STK32C: variants seen among roughly 807,000 people sequenced by gnomAD.
STK32C encodes serine/threonine kinase 32C, also known as serine/threonine-protein kinase 32C.
STK32C carries 31 observed loss-of-function variants against 56.5 expected under a neutral mutation model. The ratio of observed to expected loss-of-function variants is 0.55; its 90% confidence interval spans 0.41 to 0.74. The LOEUF is 0.74. Ranked by LOEUF, STK32C falls within the 30% of genes least tolerant of loss-of-function variation. The pLI, the probability that STK32C is intolerant of heterozygous loss-of-function variation, is 0.00. For missense variants in STK32C, 544 were observed against 676.9 expected (o/e 0.80, Z 2.18); for synonymous variants, 309 against 289.4 (o/e 1.07, Z -0.69).
chr10:132,250,135 C>T (rs898867178), intron 1 of STK32C, among the ~76,000 whole-genome samples: 4 of 152,238 alleles, frequency 2.6e-5, no homozygotes, highest in African/African-American at 7.2e-5. Flanking sequence ...GCTCCCTGCA[C>T]GCTGGCTCCG....
chr10:132,309,576 G>A (rs542561627), upstream of STK32C, among the ~76,000 whole-genome samples: 14 of 152,310 alleles, frequency 9.2e-5, no homozygotes, highest in African/African-American at 2.9e-4. Context: ...TTGCAGCTGC[G>A]AAGCTCTGTT....
chr10:132,238,236 A>G (rs1000536), intron 2 of STK32C, among the ~76,000 whole-genome samples: 21,959 of 152,196 alleles, frequency 0.14, 1,731 homozygotes, highest in East Asian at 0.24. Context: ...GAAGCTACAC[A>G]GCAGGTCCAA....
intron 1 of STK32C, among the ~76,000 whole-genome samples, chr10:132,294,615 G>A (rs567231829): frequency 5.3e-5 from 8 of 152,276 alleles, no homozygotes; most frequent in Non-Finnish European, 1.2e-4. Flanking sequence ...GAACATGCAT[G>A]GCTCACTCTT....
At chr10:132,329,518 G>A (rs1162914789) in intron 1 of STK32C, among the ~76,000 whole-genome samples, 1 of 152,154 alleles carries the variant, frequency 6.6e-6, no homozygotes. Context: ...ACAAAAACTG[G>A]AAGAAATTAG....
At chr10:132,317,706 G>A (rs2066332119) in intron 1 of STK32C, among the ~76,000 whole-genome samples, 1 of 152,088 alleles carries the variant, frequency 6.6e-6, no homozygotes, top group East Asian at 1.9e-4. Context: ...CAGTTTGGAT[G>A]ACAGAGTGAG....
chr10:132,302,768 C>T (rs1409520629), intron 1 of STK32C, among the ~76,000 whole-genome samples: 1 of 152,244 alleles, frequency 6.6e-6, no homozygotes, highest in African/African-American at 2.4e-5. Context: ...ACAACCCGTC[C>T]ATACCAACCG....
chr10:132,208,885 CT>C (rs2062194422), intron 11 of STK32C, 148 bp downstream of exon 11: 1 of 725,364 alleles, frequency 1.4e-6, no homozygotes, highest in African/African-American at 1.8e-5. Flanking sequence ...CGCCGCTCCC[CT>C]CCATAGCTGC....
intron 1 of STK32C, among the ~76,000 whole-genome samples, chr10:132,266,877 GACT>G (rs2064553347): frequency 6.6e-6 from 1 of 152,044 alleles, no homozygotes; most frequent in South Asian, 2.1e-4. Flanking sequence ...AGAACAACAG[GACT>G]TCTCAGCCAG....
intron 1 of STK32C, among the ~76,000 whole-genome samples, chr10:132,303,343 G>A (rs2065966059): frequency 6.6e-6 from 1 of 152,364 alleles, no homozygotes; most frequent in African/African-American, 2.4e-5. Flanking sequence ...ACAGATGCAG[G>A]TTTATGAATT....
At chr10:132,302,555 C>T (rs2065939699) in intron 1 of STK32C, among the ~76,000 whole-genome samples, 1 of 152,196 alleles carries the variant, frequency 6.6e-6, no homozygotes, top group African/African-American at 2.4e-5. Flanking sequence ...CAGTCCACAC[C>T]CCAGACCAGG....
intron 1 of STK32C, 145 bp from the exon 2 acceptor site, chr10:132,246,100 T>G: frequency 1.3e-6 from 1 of 795,310 alleles, no homozygotes; most frequent in Non-Finnish European, 2.1e-6. Context: ...GGCCAAACTC[T>G]CGCTCCTGTG....
intron 2 of STK32C, among the ~76,000 whole-genome samples, chr10:132,241,495 G>A (rs983636162): frequency 2.6e-5 from 4 of 152,192 alleles, no homozygotes; most frequent in Admixed American, 1.3e-4. Flanking sequence ...ACGCCTATTT[G>A]GGTAAAAGAC....
At chr10:132,266,985 G>C (rs560860684) in intron 1 of STK32C, among the ~76,000 whole-genome samples, 20 of 152,330 alleles carry the variant, frequency 1.3e-4, no homozygotes, top group African/African-American at 4.8e-4. Context: ...AACAACCACC[G>C]TGAGTGTTGG....
At chr10:132,248,422 C>T (rs569888397) in intron 1 of STK32C, among the ~76,000 whole-genome samples, 1 of 152,236 alleles carries the variant, frequency 6.6e-6, no homozygotes, top group Non-Finnish European at 1.5e-5. Flanking sequence ...CAGGGCTGAG[C>T]TGGCCGCCTA....
chr10:132,257,416 G>A (rs1202385313), intron 1 of STK32C, among the ~76,000 whole-genome samples: 1 of 151,984 alleles, frequency 6.6e-6, no homozygotes, highest in East Asian at 1.9e-4. Flanking sequence ...CTAGGCCAGC[G>A]GGCTGTGGTC....
chr10:132,279,460 G>A (rs1429517062), intron 1 of STK32C, among the ~76,000 whole-genome samples: 2 of 152,090 alleles, frequency 1.3e-5, no homozygotes, highest in Non-Finnish European at 2.9e-5. Context: ...ATGCATGTGT[G>A]TAAAGACATA....
intron 1 of STK32C, among the ~76,000 whole-genome samples, chr10:132,277,685 C>T (rs930830841): frequency 1.3e-5 from 2 of 152,224 alleles, no homozygotes; most frequent in African/African-American, 2.4e-5. Context: ...GGACTTTATT[C>T]GACCTTGACC....
At chr10:132,273,933 T>C (rs1413329256) in intron 1 of STK32C, among the ~76,000 whole-genome samples, 1 of 152,232 alleles carries the variant, frequency 6.6e-6, no homozygotes, top group African/African-American at 2.4e-5. Flanking sequence ...CCATACTGAC[T>C]GGGCCTGGGC....
intron 1 of STK32C, chr10:132,249,131 C>T (rs941599951): frequency 7.7e-5 from 33 of 431,242 alleles, no homozygotes; most frequent in Middle Eastern, 4.7e-4. Flanking sequence ...GGGGCTGTGG[C>T]GTCAGGGCGT....
Sources: gnomAD v4.1 joint callset for allele counts (sites outside exome capture counted in the v4.1 genomes callset) on GRCh38, gnomAD v4.1.1 for gene constraint, MANE v1.5 for transcripts, NCBI Gene and HGNC (gene_info 2026-07-23, HGNC 2026-07-21) for gene names.